The following PLXNA4 variants were observed in gnomAD, a reference collection of about 807,000 sequenced individuals.
PLXNA4 encodes plexin A4.
A neutral mutation model predicts 191.8 loss-of-function variants in PLXNA4; 44 were observed. The ratio of observed to expected loss-of-function variants is 0.23; its 90% CI spans 0.18 to 0.29. The LOEUF is 0.29. PLXNA4 is among the 10% of genes least tolerant of loss of function. The pLI, the probability that PLXNA4 is intolerant of heterozygous loss-of-function variation, is 1.00. For missense variants in PLXNA4, 1,800 were observed against 2,488.8 expected (o/e 0.72, Z 5.89); for synonymous variants, 1,082 against 1,009.5 (o/e 1.07, Z -1.36).
rs532042253 is a variant in PLXNA4 at position 132,207,302 on chromosome 7, C to A, written c.2298+3641G>T. On this transcript the variant is annotated intron_variant, in intron 10 of 31. Transcript: ENST00000321063. ...GGTAAATGACGGTGCCAAGAGAAAA[C>A]CAGAGGCCAGCATGAGTCCGCGGAA... Among the ~76,000 whole-genome samples the A allele has an allele frequency of 1.2e-4, 18 of 152,344 alleles. No homozygotes were observed. In the South Asian group the frequency reaches 3.3e-3, roughly 28 times the overall value.
At position 132,198,671 on chromosome 7, in the gene PLXNA4, C is replaced by G. The variant is rs1030308561; in HGVS notation, c.2587-35G>C. ...GGAAGAGAAATAATTAGACAAACAC[C>G]AAGATACTGCCACTCACTTGCTGAT... On this transcript the variant is annotated intron_variant, in intron 12 of 31. Coordinates refer to ENST00000321063, the MANE Select transcript of PLXNA4 (RefSeq NM_020911.2). 2.5e-6 allele frequency: 4 copies of G among 1,608,890 alleles called. No individual in the cohort carries two copies. In the African/African-American group the frequency reaches 5.3e-5, roughly 21 times the overall value.
At chr7:132,504,817 G>C (rs1372571719) in intron 2 of PLXNA4, among the ~76,000 whole-genome samples, 1 of 152,178 alleles carries the variant, frequency 6.6e-6, no homozygotes. Flanking sequence ...GGCAGGAAGG[G>C]AACAAGAAAA....
At chr7:132,352,927 T>C (rs1441386494) in intron 3 of PLXNA4, among the ~76,000 whole-genome samples, 2 of 152,116 alleles carry the variant, frequency 1.3e-5, no homozygotes, top group Non-Finnish European at 2.9e-5. Flanking sequence ...AGGGGAAATA[T>C]CTTGGTACAG....
intron 1 of PLXNA4, among the ~76,000 whole-genome samples, chr7:132,550,597 A>G (rs1383129250): frequency 6.6e-6 from 1 of 152,240 alleles, no homozygotes; most frequent in African/African-American, 2.4e-5. Flanking sequence ...TTTAACCAAA[A>G]TATGACTTTA....
intron 2 of PLXNA4, among the ~76,000 whole-genome samples, chr7:132,500,481 G>T (rs1435499984): frequency 4.6e-5 from 7 of 151,852 alleles, no homozygotes; most frequent in Non-Finnish European, 1.0e-4. Context: ...AGGAGGGGGA[G>T]GGGAAGGGGA....
intron 5 of PLXNA4, among the ~76,000 whole-genome samples, chr7:132,229,856 G>C (rs1187048239): frequency 6.6e-6 from 1 of 152,030 alleles, no homozygotes; most frequent in Non-Finnish European, 1.5e-5. Context: ...CTGCTATTGG[G>C]GTAACTCAGG....
intron 3 of PLXNA4, among the ~76,000 whole-genome samples, chr7:132,464,336 G>C (rs1158080460): frequency 6.6e-6 from 1 of 152,146 alleles, no homozygotes; most frequent in East Asian, 1.9e-4. Flanking sequence ...TCTGTCCTCA[G>C]TCACCAGCTA....
intron 3 of PLXNA4, among the ~76,000 whole-genome samples, chr7:132,301,737 GGAGA>G (rs1464863828): frequency 1.3e-5 from 2 of 152,154 alleles, no homozygotes; most frequent in Non-Finnish European, 2.9e-5. Context: ...TGCAGTTCTG[GGAGA>G]GAAACGTGCA....
chr7:132,382,883 A>T (rs1804954920), intron 3 of PLXNA4, among the ~76,000 whole-genome samples: 1 of 152,228 alleles, frequency 6.6e-6, no homozygotes, highest in Non-Finnish European at 1.5e-5. Flanking sequence ...ATATAAACAC[A>T]CACAAGTATA....
chr7:132,230,537 C>T (rs538190636), intron 5 of PLXNA4, among the ~76,000 whole-genome samples: 2 of 152,310 alleles, frequency 1.3e-5, no homozygotes, highest in South Asian at 2.1e-4. Flanking sequence ...TGGTCACCCC[C>T]GTGGCACTTC....
At chr7:132,618,066 A>T (rs1333996808) in intron 2 of PLXNA4, among the ~76,000 whole-genome samples, 1 of 152,206 alleles carries the variant, frequency 6.6e-6, no homozygotes, top group African/African-American at 2.4e-5. Flanking sequence ...AATTGCCCAC[A>T]TCATTCCTGC....
chr7:132,230,025 A>G (rs1287044404), intron 5 of PLXNA4, among the ~76,000 whole-genome samples: 1 of 152,164 alleles, frequency 6.6e-6, no homozygotes, highest in Non-Finnish European at 1.5e-5. Flanking sequence ...AAATGGAGGA[A>G]CACAGGGACA....
At chr7:132,246,996 G>A (rs1396020290) in intron 4 of PLXNA4, among the ~76,000 whole-genome samples, 1 of 152,172 alleles carries the variant, frequency 6.6e-6, no homozygotes, top group East Asian at 1.9e-4. Context: ...CCCATTGCTT[G>A]GGGACCTGGG....
intron 3 of PLXNA4, among the ~76,000 whole-genome samples, chr7:132,478,023 T>A (rs1033197588): frequency 7.2e-5 from 11 of 152,236 alleles, no homozygotes; most frequent in African/African-American, 2.7e-4. Context: ...CACAGCCTGG[T>A]TGAGGCAGGG....
chr7:132,223,623 C>G lies in PLXNA4; in HGVS notation c.2001G>C (p.Glu667Asp). 6.2e-7 allele frequency: 1 copy of G among 1,613,480 alleles called. No individual in the cohort carries two copies. The highest frequency in any genetic ancestry group is 8.5e-7 in the Non-Finnish European group (1 of 1,179,774). ...TACACCAGTGGCAGCGGTATGGACTCTCCACGCAGGACAGGCACCTGGGCA... is the reference window on the plus strand; with the variant it reads ...TACACCAGTGGCAGCGGTATGGACTGTCCACGCAGGACAGGCACCTGGGCA... ...SVHNSCLSCV[E>D]SPYRCHWCKY... is the part of the protein sequence containing the mutation. The change falls in exon 9 of 32, where the codon GAG becomes GAC. Residue 667 changes from glutamate (E) to aspartate (D), a missense_variant. Transcript: ENST00000321063.
At chr7:132,562,618 T>TC in intron 1 of PLXNA4, among the ~76,000 whole-genome samples, 2 of 118,950 alleles carry the variant, frequency 1.7e-5, no homozygotes, top group Non-Finnish European at 3.4e-5. Context: ...CTTCTCCTCC[T>TC]CTTCCTCCTC....
At chr7:132,577,399 C>T (rs1326368301), upstream of PLXNA4, 1 of 145,456 alleles carries the variant, frequency 6.9e-6, no homozygotes, top group East Asian at 2.2e-4. Context: ...TCCCTGCTTC[C>T]CTTCCTCCCT....
chr7:132,208,765 A>T (rs937609363), intron 10 of PLXNA4, among the ~76,000 whole-genome samples: 3 of 152,182 alleles, frequency 2.0e-5, no homozygotes. Flanking sequence ...ACTGGAGCCC[A>T]GCCGTTCCCT....
In PLXNA4 at chr7:132,241,014, G is replaced by C. The variant is rs1483185816; in HGVS notation, c.1604+52C>G. The C allele has an allele frequency of 6.0e-6, 8 of 1,331,046 alleles. No individual in the cohort carries two copies. The African/African-American group carries it at 7.2e-5, about 12-fold the overall frequency. 82.5% of individuals were successfully genotyped at this position (1,331,046 alleles called of 1,614,324 possible). ...GTGATGACAGAGAAGCAGAGGAAGGGAATTACCAGGAGGAAGTGGGAGGCA... is the reference window on the plus strand; with the variant it reads ...GTGATGACAGAGAAGCAGAGGAAGGCAATTACCAGGAGGAAGTGGGAGGCA... On this transcript the variant is annotated intron_variant, in intron 5 of 31. Coordinates refer to ENST00000321063, the MANE Select transcript of PLXNA4 (RefSeq NM_020911.2).
Sources: allele counts gnomAD v4.1 joint callset (sites outside exome capture counted in the v4.1 genomes callset), GRCh38; gene constraint gnomAD v4.1.1; transcripts MANE v1.5; gene names NCBI Gene and HGNC (gene_info 2026-07-23, HGNC 2026-07-21).